GRIA4: variants seen among roughly 807,000 people sequenced by gnomAD.
The protein encoded by GRIA4 is glutamate ionotropic receptor AMPA type subunit 4.
Under a neutral mutation model 104.0 loss-of-function variants are expected in GRIA4, and 34 were observed. That is an observed-to-expected ratio of 0.33 (90% CI 0.25 to 0.44). GRIA4 has a LOEUF of 0.44. Ranked by LOEUF, GRIA4 falls within the 20% of genes least tolerant of loss-of-function variation. The pLI, the probability that GRIA4 is intolerant of heterozygous loss-of-function variation, is 1.00. For missense variants in GRIA4, 750 were observed against 1,096.5 expected, an observed-to-expected ratio of 0.68 and a Z score of 4.46; for synonymous variants, 386 against 381.9, an observed-to-expected ratio of 1.01 and a Z score of -0.13.
chr11:105,725,734 C>A (rs1938159226), intron 3 of GRIA4, among the ~76,000 whole-genome samples: 1 of 152,008 alleles, frequency 6.6e-6, no homozygotes, highest in Admixed American at 6.6e-5. Context: ...GTGAGTGCAG[C>A]CCATGGAGAG....
chr11:105,796,768 C>T (rs576406022), intron 4 of GRIA4, among the ~76,000 whole-genome samples: 1 of 152,262 alleles, frequency 6.6e-6, no homozygotes, highest in African/African-American at 2.4e-5. Context: ...AAGATTAATA[C>T]TTTCAGAGCT....
intron 1 of GRIA4, chr11:105,610,636 C>G (rs1950446058): frequency 5.0e-6 from 1 of 200,430 alleles, no homozygotes; most frequent in South Asian, 9.5e-5. Context: ...GGGGCGAGCG[C>G]GAGTGCGAGT....
chr11:105,721,149 T>C (rs937573652), intron 3 of GRIA4, among the ~76,000 whole-genome samples: 1 of 152,204 alleles, frequency 6.6e-6, no homozygotes, highest in Non-Finnish European at 1.5e-5. Flanking sequence ...GGGTTTTTAA[T>C]ATCTACGCAA....
At chr11:105,746,419 T>G (rs976632427) in intron 3 of GRIA4, among the ~76,000 whole-genome samples, 16 of 151,760 alleles carry the variant, frequency 1.1e-4, no homozygotes, top group African/African-American at 3.6e-4. Flanking sequence ...GGTTTGGCTT[T>G]TTTTTTTTAG....
chr11:105,652,190 A>G (rs1016216840), intron 3 of GRIA4, among the ~76,000 whole-genome samples: 12 of 152,194 alleles, frequency 7.9e-5, no homozygotes, highest in African/African-American at 2.4e-4. Context: ...TTTTAAATCA[A>G]TGAGTAATAA....
chr11:105,833,765 G>A (rs1269133307), intron 4 of GRIA4, among the ~76,000 whole-genome samples: 1 of 151,844 alleles, frequency 6.6e-6, no homozygotes, highest in Non-Finnish European at 1.5e-5. Context: ...GCTATGTGCT[G>A]TCAAAAGTGT....
At chr11:105,826,695 C>G (rs1390605437) in intron 4 of GRIA4, among the ~76,000 whole-genome samples, 1 of 152,052 alleles carries the variant, frequency 6.6e-6, no homozygotes, top group African/African-American at 2.4e-5. Flanking sequence ...CTTTCTCACT[C>G]AGCGAGGGTT....
At chr11:105,869,089 C>T (rs1945526768) in intron 5 of GRIA4, among the ~76,000 whole-genome samples, 1 of 151,978 alleles carries the variant, frequency 6.6e-6, no homozygotes, top group African/African-American at 2.4e-5. Flanking sequence ...CTAATTGTCT[C>T]CTAGCAACTG....
chr11:105,918,440 T>A (rs569856825), intron 10 of GRIA4, among the ~76,000 whole-genome samples: 1 of 152,250 alleles, frequency 6.6e-6, no homozygotes, highest in African/African-American at 2.4e-5. Flanking sequence ...AACTGGCACT[T>A]CTCCCACCAC....
At chr11:105,694,787 T>C (rs1431558491) in intron 3 of GRIA4, among the ~76,000 whole-genome samples, 2 of 152,216 alleles carry the variant, frequency 1.3e-5, no homozygotes, top group Non-Finnish European at 2.9e-5. Context: ...TCAAGGATTT[T>C]AAATTTAACT....
At chr11:105,779,340 A>G (rs1283421030) in intron 4 of GRIA4, among the ~76,000 whole-genome samples, 1 of 152,140 alleles carries the variant, frequency 6.6e-6, no homozygotes, top group Non-Finnish European at 1.5e-5. Flanking sequence ...GGAAGAATCA[A>G]TATCGTGAAA....
At chr11:105,870,102 C>T (rs1945560114) in intron 5 of GRIA4, among the ~76,000 whole-genome samples, 1 of 151,520 alleles carries the variant, frequency 6.6e-6, no homozygotes, top group South Asian at 2.1e-4. Flanking sequence ...AATTTGCTTC[C>T]GTATTTGACT....
intron 14 of GRIA4, among the ~76,000 whole-genome samples, chr11:105,939,732 C>T (rs946539421): frequency 3.9e-5 from 6 of 152,176 alleles, no homozygotes; most frequent in Admixed American, 6.5e-5. Flanking sequence ...ATTCAGTTCA[C>T]GAGTGGCTCT....
chr11:105,922,453 T>C (rs1947591032), intron 11 of GRIA4, among the ~76,000 whole-genome samples: 1 of 152,166 alleles, frequency 6.6e-6, no homozygotes, highest in Non-Finnish European at 1.5e-5. Context: ...AAATTTATCT[T>C]AAATAATTAA....
At chr11:105,780,348 C>T (rs995781034) in intron 4 of GRIA4, among the ~76,000 whole-genome samples, 6 of 152,102 alleles carry the variant, frequency 3.9e-5, no homozygotes, top group Admixed American at 3.3e-4. Context: ...TAAGTATAAT[C>T]TCTATTTTCT....
chr11:105,679,563 A>C (rs960475010), intron 3 of GRIA4, among the ~76,000 whole-genome samples: 1 of 152,166 alleles, frequency 6.6e-6, no homozygotes, highest in Non-Finnish European at 1.5e-5. Context: ...TCCCTGGGTG[A>C]TATTTACTGT....
At chr11:105,845,001 T>C (rs573987406) in intron 4 of GRIA4, among the ~76,000 whole-genome samples, 1 of 152,374 alleles carries the variant, frequency 6.6e-6, no homozygotes, top group East Asian at 1.9e-4. Flanking sequence ...GTCAATGTTC[T>C]GGTAATCTAT....
At chr11:105,612,008 G>A (rs1950494089) in intron 2 of GRIA4, among the ~76,000 whole-genome samples, 1 of 152,164 alleles carries the variant, frequency 6.6e-6, no homozygotes, top group Non-Finnish European at 1.5e-5. Flanking sequence ...GAATCAGGGG[G>A]AGGGCAAGGG....
At chr11:105,711,774 T>A (rs1186869838) in intron 3 of GRIA4, among the ~76,000 whole-genome samples, 1 of 152,158 alleles carries the variant, frequency 6.6e-6, no homozygotes, top group Non-Finnish European at 1.5e-5. Context: ...ATTTTTAAAG[T>A]GTGGCACCTG....
Sources: allele counts gnomAD v4.1 joint callset (sites outside exome capture counted in the v4.1 genomes callset), GRCh38; gene constraint gnomAD v4.1.1; transcripts MANE v1.5; gene names NCBI Gene and HGNC (gene_info 2026-07-23, HGNC 2026-07-21).